Variants in LRP1B observed in about 807,000 individuals in gnomAD.
The protein encoded by LRP1B is low-density lipoprotein receptor-related protein 1B.
A neutral mutation model predicts 556.6 loss-of-function variants in LRP1B; 217 were observed. The observed-to-expected ratio is 0.39, with a 90% CI of 0.35 to 0.44. The LOEUF (loss-of-function observed/expected upper bound fraction) is 0.44, where lower values mean the gene tolerates loss of function less well. Among genes scored for constraint, LRP1B ranks in the 20% least tolerant of loss-of-function variants. The pLI is 1.00. For synonymous variants in LRP1B, 2,047 were observed against 1,865.8 expected (o/e 1.10, Z -2.50); for missense variants, 5,053 against 5,620.8 (o/e 0.90, Z 3.23).
At chr2:141,161,278 T>C (rs1250217506) in intron 7 of LRP1B, among the ~76,000 whole-genome samples, 2 of 152,124 alleles carry the variant, frequency 1.3e-5, no homozygotes, top group Non-Finnish European at 2.9e-5. Flanking sequence ...GAAGGCTCAT[T>C]TTCCTAGTTA....
intron 41 of LRP1B, among the ~76,000 whole-genome samples, chr2:140,654,666 G>C (rs1471799883): frequency 6.6e-6 from 1 of 152,020 alleles, no homozygotes; most frequent in Non-Finnish European, 1.5e-5. Flanking sequence ...CGATAACACA[G>C]ACTGACACTA....
intron 6 of LRP1B, among the ~76,000 whole-genome samples, chr2:141,226,748 G>A (rs1366321110): frequency 6.6e-6 from 1 of 152,108 alleles, no homozygotes; most frequent in African/African-American, 2.4e-5. Flanking sequence ...AACTGTCATA[G>A]TGAACACAGA....
intron 12 of LRP1B, among the ~76,000 whole-genome samples, chr2:141,018,225 G>C: frequency 6.6e-6 from 1 of 152,144 alleles, no homozygotes; most frequent in Middle Eastern, 3.4e-3. Context: ...AGGCCTGTTT[G>C]AATGTAATTA....
At chr2:141,188,715 G>T (rs1034191958) in intron 6 of LRP1B, 132 bp from the exon 7 acceptor site, 21 of 701,724 alleles carry the variant, frequency 3.0e-5, no homozygotes, top group African/African-American at 1.1e-4. Context: ...AAAAGAAACT[G>T]CAAAGTCTCT....
At chr2:140,253,352 A>G (rs1681536280) in intron 86 of LRP1B, among the ~76,000 whole-genome samples, 2 of 152,078 alleles carry the variant, frequency 1.3e-5, no homozygotes, top group Admixed American at 6.6e-5. Context: ...TTAATTTAGG[A>G]AACGGTAAAA....
chr2:141,047,054 TTAA>T (rs70991134), intron 11 of LRP1B, among the ~76,000 whole-genome samples: 25,834 of 70,450 alleles, frequency 0.37, 2,958 homozygotes, highest in East Asian at 0.68. Flanking sequence ...TGCACAAAAA[TTAA>T]TAATAATAAT....
At position 142,130,670 on chromosome 2, in the gene LRP1B, C is replaced by T. The variant is rs1436884241; in HGVS notation, c.60G>A (p.Val20=). 1 of 1,613,328 alleles carries T rather than the reference C, an allele frequency of 6.2e-7. No homozygotes were observed. The highest frequency in any genetic ancestry group is 8.5e-7 in the Non-Finnish European group (1 of 1,179,688). ...TACCTCGGTCGGCTCCCACGGTCAG[C>T]ACCCTGGCAATCGGCAATAATCCCG... ...TLSGLLPIAR[V]LTVGADRDQQ... The change falls in exon 1 of 91, where the codon GTG becomes GTA. Residue 20 remains valine (V), a synonymous_variant. Transcript: ENST00000389484.
chr2:140,629,807 A>G (rs1170107474), intron 41 of LRP1B, among the ~76,000 whole-genome samples: 3 of 152,194 alleles, frequency 2.0e-5, no homozygotes, highest in Non-Finnish European at 4.4e-5. Flanking sequence ...AATTTTTCCT[A>G]GAGATCTGGA....
chr2:141,144,934 C>T (rs548562117), intron 7 of LRP1B, among the ~76,000 whole-genome samples: 1 of 152,180 alleles, frequency 6.6e-6, no homozygotes, highest in Admixed American at 6.5e-5. Context: ...GGTTCTCAGG[C>T]TAATGTTTCC....
chr2:140,998,955 A>G (rs1697332375), intron 15 of LRP1B, among the ~76,000 whole-genome samples: 1 of 152,084 alleles, frequency 6.6e-6, no homozygotes, highest in Non-Finnish European at 1.5e-5. Flanking sequence ...AGACATCCAG[A>G]AGAATCAACA....
intron 1 of LRP1B, among the ~76,000 whole-genome samples, chr2:142,124,581 GTAAA>G (rs969384040): frequency 3.4e-5 from 5 of 148,738 alleles, no homozygotes; most frequent in Non-Finnish European, 7.6e-5. Flanking sequence ...CAGTTAAAAA[GTAAA>G]GACAAAAAGA....
In LRP1B at chr2:140,444,389, A is replaced by C; in HGVS notation, c.10235T>G (p.Val3412Gly). ...ATCTTGCCCATTACATCTTAAGTTT[A>C]CTGGGATACATTTCTGGTTCTTGGT... ...KCTKNQKCIP[V>G]NLRCNGQDDC... The change falls in exon 65 of 91, where the codon GTA becomes GGA. Residue 3412 changes from valine (V) to glycine (G), a missense_variant. Physicochemically the swap from Val to Gly is moderately radical, Grantham distance 109. Coordinates refer to ENST00000389484, the MANE Select transcript of LRP1B (RefSeq NM_018557.3). The C allele has an allele frequency of 6.2e-7, 1 of 1,614,020 alleles. No homozygotes were observed. Among genetic ancestry groups the C allele is most frequent in the Middle Eastern group, 1.7e-4 (1 of 6,060 alleles).
At chr2:140,609,967 G>A (rs1013273514) in intron 41 of LRP1B, among the ~76,000 whole-genome samples, 3 of 151,830 alleles carry the variant, frequency 2.0e-5, no homozygotes, top group South Asian at 2.1e-4. Context: ...ACCTTATCTC[G>A]GGTTAGTGTC....
intron 1 of LRP1B, among the ~76,000 whole-genome samples, chr2:141,991,967 G>C (rs952943137): frequency 1.3e-5 from 2 of 152,018 alleles, no homozygotes; most frequent in African/African-American, 2.4e-5. Flanking sequence ...ACTGGCTCCA[G>C]GACTCCCTTG....
At position 141,938,043 on chromosome 2, in the gene LRP1B, T is replaced by C. The variant is rs142029519; in HGVS notation, c.83-127642A>G. 2.2e-3 allele frequency among the ~76,000 whole-genome samples: 340 copies of C among 152,310 alleles called. 2 individuals carry two copies. The highest frequency in any genetic ancestry group is 7.7e-3 in the African/African-American group (321 of 41,576). On this transcript the variant is annotated intron_variant, in intron 1 of 90. Transcript: ENST00000389484. ...TGTCTATGATCTATATTATATTCCA[T>C]TGGCCTATGTGTCTTTTTTTATGCC... is the stretch of plus-strand genomic sequence containing the variant.
chr2:140,510,306 T>G (rs993569154), intron 51 of LRP1B, among the ~76,000 whole-genome samples: 9 of 152,218 alleles, frequency 5.9e-5, no homozygotes, highest in Admixed American at 3.3e-4. Flanking sequence ...TAATGTACTT[T>G]ATCCTTGTAA....
chr2:141,750,571 G>GA lies in LRP1B; in HGVS notation c.205+59707dup, dbSNP rs986192478. ...TTATTACTGTATTCACACCTCAAAAGAAAAAACAAAAAGAAAACCTGCATG... is the reference window on the plus strand; with the variant it reads ...TTATTACTGTATTCACACCTCAAAAGAAAAAAACAAAAAGAAAACCTGCATG... On this transcript the variant is annotated intron_variant, in intron 2 of 90. Coordinates refer to ENST00000389484, the MANE Select transcript of LRP1B (RefSeq NM_018557.3). Among the ~76,000 whole-genome samples the GA allele has an allele frequency of 1.1e-4, 16 of 152,000 alleles. 1 individual carries two copies. The South Asian group carries it at 2.1e-3, about 20-fold the overall frequency.
chr2:141,902,158 C>T (rs1175172349), intron 1 of LRP1B, among the ~76,000 whole-genome samples: 2 of 151,164 alleles, frequency 1.3e-5, no homozygotes, highest in Non-Finnish European at 3.0e-5. Context: ...TAATTTTTTA[C>T]AGGGAATATA....
intron 41 of LRP1B, among the ~76,000 whole-genome samples, chr2:140,630,619 G>A (rs75098593): frequency 0.02 from 3,082 of 152,242 alleles, 80 homozygotes; most frequent in African/African-American, 0.069. Context: ...GCACATTTTT[G>A]TGTGCTTTAC....
Sources: allele counts gnomAD v4.1 joint callset (sites outside exome capture counted in the v4.1 genomes callset), GRCh38; gene constraint gnomAD v4.1.1; transcripts MANE v1.5; gene names NCBI Gene and HGNC (gene_info 2026-07-23, HGNC 2026-07-21).